The following PLCB1 variants were observed in gnomAD, a reference collection of about 807,000 sequenced individuals.
The protein encoded by PLCB1 is phospholipase C beta 1, also known as 1-phosphatidylinositol 4,5-bisphosphate phosphodiesterase beta-1.
In PLCB1, 46 loss-of-function variants were observed where a neutral mutation model predicts 161.8. That is an observed-to-expected ratio of 0.28 (90% confidence interval 0.22 to 0.36). The LOEUF (loss-of-function observed/expected upper bound fraction) is 0.36, where lower values mean the gene tolerates loss of function less well. Ranked by LOEUF, PLCB1 falls within the 10% of genes least tolerant of loss-of-function variation. The pLI is 1.00. For synonymous variants in PLCB1, 517 were observed against 503.7 expected, an observed-to-expected ratio of 1.03 and a Z score of -0.35; for missense variants, 1,016 against 1,472.5, an observed-to-expected ratio of 0.69 and a Z score of 5.07.
At chr20:8,191,652 G>A (rs956786807) in intron 2 of PLCB1, among the ~76,000 whole-genome samples, 3 of 151,968 alleles carry the variant, frequency 2.0e-5, no homozygotes, top group Non-Finnish European at 2.9e-5. Context: ...AAATGCGAAC[G>A]TGTGAGTTGC....
intron 2 of PLCB1, among the ~76,000 whole-genome samples, chr20:8,228,677 T>C (rs1979832905): frequency 9.3e-6 from 1 of 107,074 alleles, no homozygotes; most frequent in African/African-American, 4.0e-5. Flanking sequence ...GCCCCACTAA[T>C]TTTTTTTTGT....
At chr20:8,651,608 C>T (rs1163682611) in intron 7 of PLCB1, 5 of 676,524 alleles carry the variant, frequency 7.4e-6, no homozygotes, top group Non-Finnish European at 1.3e-5. Flanking sequence ...ATTTCTTGAG[C>T]TCTTACTATG....
intron 3 of PLCB1, among the ~76,000 whole-genome samples, chr20:8,446,145 T>C (rs933176944): frequency 2.0e-4 from 30 of 152,202 alleles, no homozygotes; most frequent in African/African-American, 7.2e-4. Context: ...TGAACATCGA[T>C]GCAAAAATCC....
intron 2 of PLCB1, among the ~76,000 whole-genome samples, chr20:8,269,124 G>A (rs1007019962): frequency 6.6e-6 from 1 of 152,046 alleles, no homozygotes; most frequent in Admixed American, 6.6e-5. Context: ...TGGGGTACAT[G>A]TGCAGAATGT....
chr20:8,850,831 C>T (rs530858986), intron 31 of PLCB1, among the ~76,000 whole-genome samples: 7 of 152,264 alleles, frequency 4.6e-5, no homozygotes, highest in African/African-American at 1.7e-4. Context: ...TATAAATTAC[C>T]TGGTCTAAGA....
intron 3 of PLCB1, among the ~76,000 whole-genome samples, chr20:8,418,113 A>T (rs1008223961): frequency 6.6e-6 from 1 of 152,206 alleles, no homozygotes; most frequent in Non-Finnish European, 1.5e-5. Context: ...AGTCAGAGTT[A>T]GGGTCTAGTT....
chr20:8,633,284 G>GA (rs1988657461), intron 4 of PLCB1, among the ~76,000 whole-genome samples: 1 of 152,070 alleles, frequency 6.6e-6, no homozygotes, highest in Non-Finnish European at 1.5e-5. Flanking sequence ...CTGACATAGG[G>GA]AAAATATAAA....
chr20:8,620,747 CAAAA>C (rs779029928), intron 3 of PLCB1, among the ~76,000 whole-genome samples: 25 of 75,250 alleles, frequency 3.3e-4, no homozygotes, highest in African/African-American at 9.7e-4. Flanking sequence ...CTGCCCCCAC[CAAAA>C]AAAAAAAAAA....
chr20:8,614,102 A>G (rs1388303372), intron 3 of PLCB1, among the ~76,000 whole-genome samples: 1 of 152,172 alleles, frequency 6.6e-6, no homozygotes, highest in African/African-American at 2.4e-5. Flanking sequence ...TGGCCAATAA[A>G]TAAGAAGATA....
At chr20:8,352,798 G>A (rs138894222) in intron 2 of PLCB1, among the ~76,000 whole-genome samples, 1 of 152,186 alleles carries the variant, frequency 6.6e-6, no homozygotes, top group African/African-American at 2.4e-5. Flanking sequence ...TGGAAGCAAG[G>A]TTTCTCACTG....
chr20:8,363,589 GC>G (rs1986611887), intron 2 of PLCB1, among the ~76,000 whole-genome samples: 1 of 152,068 alleles, frequency 6.6e-6, no homozygotes, highest in Non-Finnish European at 1.5e-5. Context: ...ACTCACTCTT[GC>G]TGTATTACAT....
intron 25 of PLCB1, among the ~76,000 whole-genome samples, chr20:8,764,276 T>C (rs940460829): frequency 1.3e-5 from 2 of 152,204 alleles, no homozygotes; most frequent in Non-Finnish European, 2.9e-5. Context: ...CAAGACACTT[T>C]ACTGCTATAT....
chr20:8,728,459 C>T (rs1221143650), intron 17 of PLCB1, among the ~76,000 whole-genome samples: 1 of 151,982 alleles, frequency 6.6e-6, no homozygotes, highest in Non-Finnish European at 1.5e-5. Context: ...CAGAAACTTC[C>T]ATGGTACATT....
intron 2 of PLCB1, among the ~76,000 whole-genome samples, chr20:8,241,226 C>A (rs1373876034): frequency 6.6e-6 from 1 of 151,994 alleles, no homozygotes; most frequent in African/African-American, 2.4e-5. Context: ...AAGTAATCTA[C>A]TTGAAAAATT....
chr20:8,484,692 C>T (rs1261310501), intron 3 of PLCB1, among the ~76,000 whole-genome samples: 1 of 152,176 alleles, frequency 6.6e-6, no homozygotes, highest in Non-Finnish European at 1.5e-5. Context: ...TATCACTCTT[C>T]CAGAGATGCT....
intron 3 of PLCB1, among the ~76,000 whole-genome samples, chr20:8,492,348 T>C (rs569843225): frequency 6.6e-6 from 1 of 152,216 alleles, no homozygotes; most frequent in Admixed American, 6.5e-5. Flanking sequence ...TAGCTTGCAT[T>C]GTTAACTGCA....
At chr20:8,638,883 T>C (rs1883129353) in intron 4 of PLCB1, among the ~76,000 whole-genome samples, 1 of 152,228 alleles carries the variant, frequency 6.6e-6, no homozygotes, top group African/African-American at 2.4e-5. Flanking sequence ...ATTCTGTCTT[T>C]GCATTTGGCC....
intron 3 of PLCB1, among the ~76,000 whole-genome samples, chr20:8,492,509 T>G (rs1273911830): frequency 6.6e-6 from 1 of 151,540 alleles, no homozygotes; most frequent in Non-Finnish European, 1.5e-5. Flanking sequence ...TTAAATAACA[T>G]GGCATAATGC....
At position 8,330,956 on chromosome 20, in the gene PLCB1, G is replaced by A. The variant is rs1315314119; in HGVS notation, c.178-40426G>A. 9.2e-5 allele frequency among the ~76,000 whole-genome samples: 14 copies of A among 152,296 alleles called. No individual in the cohort carries two copies. The East Asian group carries it at 1.2e-3, about 13-fold the overall frequency. ...ACATTGCACATTTAATATGCACAAAGCGCTTCTGGTACATATGAGGTTAAA... is the reference window on the plus strand; with the variant it reads ...ACATTGCACATTTAATATGCACAAAACGCTTCTGGTACATATGAGGTTAAA... On this transcript the variant is annotated intron_variant, in intron 2 of 31. Transcript: ENST00000338037.
Sources: allele counts gnomAD v4.1 joint callset (sites outside exome capture counted in the v4.1 genomes callset), GRCh38; gene constraint gnomAD v4.1.1; transcripts MANE v1.5; gene names NCBI Gene and HGNC (gene_info 2026-07-23, HGNC 2026-07-21).